Variants in CDH13 observed in about 807,000 individuals in gnomAD.
CDH13 encodes the protein cadherin-13.
A neutral mutation model predicts 63.8 loss-of-function variants in CDH13; 24 were observed. That is an observed-to-expected ratio of 0.38 (90% CI 0.27 to 0.53). The LOEUF is 0.53. CDH13 is among the 20% of genes least tolerant of loss of function. The pLI is 0.85. For synonymous variants in CDH13, 503 were observed against 355.3 expected (o/e 1.42, Z -4.67); for missense variants, 1,049 against 903.1 (o/e 1.16, Z -2.07).
chr16:82,734,127 G>A (rs1221419999), intron 1 of CDH13, among the ~76,000 whole-genome samples: 1 of 152,200 alleles, frequency 6.6e-6, no homozygotes, highest in Non-Finnish European at 1.5e-5. Flanking sequence ...GGACCATCTG[G>A]GGTCATGGTC....
intron 2 of CDH13, among the ~76,000 whole-genome samples, chr16:83,008,615 G>C (rs532189120): frequency 6.6e-6 from 1 of 152,276 alleles, no homozygotes; most frequent in South Asian, 2.1e-4. Context: ...GTTATACTTG[G>C]ACCTTTGCTG....
At chr16:83,396,290 C>A (rs2091885680) in intron 6 of CDH13, among the ~76,000 whole-genome samples, 1 of 152,144 alleles carries the variant, frequency 6.6e-6, no homozygotes, top group South Asian at 2.1e-4. Flanking sequence ...AATCCATTCT[C>A]TACCTCGTAG....
rs201243103 is a variant in CDH13, at chr16:83,537,539, ATT to A, written c.960+50886_960+50887del. Among the ~76,000 whole-genome samples the A allele has an allele frequency of 8.5e-3, 1,300 of 152,234 alleles. 18 individuals are homozygous for A. The highest frequency in any genetic ancestry group is 0.03 in the African/African-American group (1,238 of 41,548). Reference sequence around the variant, plus strand: ...GATAGGAAGAAAAGGAAAAGGAACCATTTGCTCACACTCTGGCAGATCTAAAG... The same window carrying A: ...GATAGGAAGAAAAGGAAAAGGAACCATGCTCACACTCTGGCAGATCTAAAG... On this transcript the variant is annotated intron_variant, in intron 7 of 13. Transcript: ENST00000567109.
chr16:82,921,357 T>G (rs551176085), intron 2 of CDH13, among the ~76,000 whole-genome samples: 2 of 152,144 alleles, frequency 1.3e-5, no homozygotes, highest in African/African-American at 2.4e-5. Flanking sequence ...TCACATCACT[T>G]TGATCCTCAA....
At chr16:82,715,710 T>C (rs2032318324) in intron 1 of CDH13, among the ~76,000 whole-genome samples, 1 of 152,078 alleles carries the variant, frequency 6.6e-6, no homozygotes, top group Non-Finnish European at 1.5e-5. Context: ...GGGGAGACAC[T>C]CCAGTGCAGG....
intron 7 of CDH13, among the ~76,000 whole-genome samples, chr16:83,511,138 G>A (rs2074553323): frequency 6.6e-6 from 1 of 151,956 alleles, no homozygotes; most frequent in Non-Finnish European, 1.5e-5. Context: ...GTGCACACAT[G>A]CACGCACATG....
intron 5 of CDH13, among the ~76,000 whole-genome samples, chr16:83,287,207 A>G (rs1472326086): frequency 6.6e-6 from 1 of 152,346 alleles, no homozygotes; most frequent in African/African-American, 2.4e-5. Flanking sequence ...AGAGATATCC[A>G]GTAGGACCTG....
chr16:83,103,385 A>G (rs2034605167), intron 3 of CDH13, among the ~76,000 whole-genome samples: 2 of 150,380 alleles, frequency 1.3e-5, no homozygotes, highest in Admixed American at 1.3e-4. Flanking sequence ...AGCTGGGACT[A>G]CAGGCACGTG....
At chr16:83,069,669 C>G (rs940927675) in intron 3 of CDH13, among the ~76,000 whole-genome samples, 1 of 152,150 alleles carries the variant, frequency 6.6e-6, no homozygotes, top group Admixed American at 6.6e-5. Context: ...CCAGCCTCAT[C>G]CTCTTGTCTT....
At chr16:82,711,192 T>C (rs1320700403) in intron 1 of CDH13, among the ~76,000 whole-genome samples, 2 of 152,180 alleles carry the variant, frequency 1.3e-5, no homozygotes, top group Non-Finnish European at 2.9e-5. Flanking sequence ...TAATAATGAC[T>C]ATGAGGGACA....
chr16:83,632,551 A>G (rs1910879983), intron 8 of CDH13, among the ~76,000 whole-genome samples: 1 of 151,766 alleles, frequency 6.6e-6, no homozygotes, highest in Non-Finnish European at 1.5e-5. Flanking sequence ...GAGCTAAGGT[A>G]ATGCACCCAG....
intron 8 of CDH13, among the ~76,000 whole-genome samples, chr16:83,607,913 T>G (rs1007454566): frequency 2.0e-5 from 3 of 152,186 alleles, no homozygotes; most frequent in African/African-American, 7.2e-5. Context: ...TTAGGTTATT[T>G]TATTAAAAAA....
At chr16:83,489,663 T>C (rs1049090928) in intron 7 of CDH13, among the ~76,000 whole-genome samples, 4 of 152,314 alleles carry the variant, frequency 2.6e-5, no homozygotes, top group Admixed American at 1.3e-4. Context: ...TTGGCACTTT[T>C]TGTAGGATTC....
chr16:83,345,250 T>G (rs574853744), intron 6 of CDH13, among the ~76,000 whole-genome samples: 22 of 152,346 alleles, frequency 1.4e-4, no homozygotes, highest in Non-Finnish European at 1.9e-4. Context: ...GACTGCCATC[T>G]AAGTCTCTAA....
intron 4 of CDH13, among the ~76,000 whole-genome samples, chr16:83,152,506 C>T (rs1014139100): frequency 1.3e-5 from 2 of 152,040 alleles, no homozygotes; most frequent in African/African-American, 4.8e-5. Context: ...AAAGGTGATT[C>T]CTTTACATTT....
intron 8 of CDH13, among the ~76,000 whole-genome samples, chr16:83,659,753 G>C (rs1913265343): frequency 6.6e-6 from 1 of 151,476 alleles, no homozygotes; most frequent in Admixed American, 6.6e-5. Flanking sequence ...TTACCAGAAA[G>C]GTACCCATGA....
At chr16:83,473,038 A>G (rs1025951940) in intron 6 of CDH13, among the ~76,000 whole-genome samples, 2 of 152,174 alleles carry the variant, frequency 1.3e-5, no homozygotes, top group Non-Finnish European at 2.9e-5. Context: ...AAGCTACCCC[A>G]GTCTGTGAGC....
chr16:83,513,316 C>A (rs1316782848), intron 7 of CDH13, among the ~76,000 whole-genome samples: 1 of 152,090 alleles, frequency 6.6e-6, no homozygotes, highest in Non-Finnish European at 1.5e-5. Flanking sequence ...CATCATGGGA[C>A]CTGAAATGGC....
rs1481305141 is a variant in CDH13, at chr16:83,014,421, A to C, written c.158-17589A>C. On this transcript the variant is annotated intron_variant, in intron 2 of 13. Transcript: ENST00000567109. ...GAATGGCTCTGAACTACTTAAATATATGTATAAAAGCCAGGTATAAAGGTA... is the reference window on the plus strand; with the variant it reads ...GAATGGCTCTGAACTACTTAAATATCTGTATAAAAGCCAGGTATAAAGGTA... 2.0e-5 allele frequency among the ~76,000 whole-genome samples: 3 copies of C among 151,186 alleles called. No homozygotes were observed. In the East Asian group the frequency reaches 5.8e-4, roughly 29 times the overall value.
Sources: allele counts gnomAD v4.1 joint callset (sites outside exome capture counted in the v4.1 genomes callset), GRCh38; gene constraint gnomAD v4.1.1; transcripts MANE v1.5; gene names NCBI Gene and HGNC (gene_info 2026-07-23, HGNC 2026-07-21).